GFI1: variants seen among roughly 807,000 people sequenced by gnomAD.
GFI1 encodes the protein growth factor independent 1 transcriptional repressor.
Under a neutral mutation model 39.2 loss-of-function variants are expected in GFI1, and 15 were observed. The observed-to-expected ratio is 0.38, with a 90% CI of 0.26 to 0.59. GFI1 has a LOEUF of 0.59. Ranked by LOEUF, GFI1 falls within the 20% of genes least tolerant of loss-of-function variation. The probability of loss-of-function intolerance (pLI) is 0.62; values close to 1 mark genes in which losing one functional copy is unlikely to be tolerated. For missense variants in GFI1, 475 were observed against 574.0 expected (o/e 0.83, Z 1.76); for synonymous variants, 239 against 254.3 (o/e 0.94, Z 0.57).
At position 92,478,666 on chromosome 1, in the gene GFI1, G is replaced by T. The variant is rs747130172; in HGVS notation, c.1012C>A (p.Arg338=). ...CCACAGTACTGACAGGGGTAGGGCC[G>T]AGTGTCTGAGTGGATAAGCAGGTGT... ...STHLLIHSDT[R]PYPCQYCGKR... is the part of the protein sequence containing the mutation. Residue 338 remains arginine, a synonymous_variant, in exon 6 of 7, where the codon CGG becomes AGG. Coordinates refer to ENST00000294702, the MANE Select transcript of GFI1 (RefSeq NM_005263.5). 1.2e-6 allele frequency: 2 copies of T among 1,613,994 alleles called. No homozygotes were observed. The highest frequency in any genetic ancestry group is 8.5e-7 in the Non-Finnish European group (1 of 1,179,990).
chr1:92,477,293 G>C (rs1311492707), intron 6 of GFI1, among the ~76,000 whole-genome samples: 2 of 152,146 alleles, frequency 1.3e-5, no homozygotes, highest in Admixed American at 1.3e-4. Flanking sequence ...GATCCTAGTT[G>C]CATTTTGATA....
rs974564386 is a variant in GFI1 at position 92,482,427 on chromosome 1, C to CT, written c.298+436_298+437insA. ...CGCGGGCTGAGATTTTCGTCCTGCCCCCTCCCTGCCGCCCAGCGCCTAGCT... is the reference window on the plus strand; with the variant it reads ...CGCGGGCTGAGATTTTCGTCCTGCCCTCCTCCCTGCCGCCCAGCGCCTAGCT... On this transcript the variant is annotated intron_variant, in intron 3 of 6. Transcript: ENST00000294702. The surrounding 1 kb of genome is among the most constrained non-coding windows in gnomAD (Gnocchi z 4.4). 1.3e-5 allele frequency among the ~76,000 whole-genome samples: 2 copies of CT among 151,856 alleles called. No homozygotes were observed. Among genetic ancestry groups the CT allele is most frequent in the Admixed American group, 1.3e-4 (2 of 15,224 alleles).
Position 92,478,757 on chromosome 1 carries a change from C to CAGAGAGAGACAG in GFI1, c.925-5_925-4insCTGTCTCTCTCT. 6.6e-7 allele frequency: 1 copy of CAGAGAGAGACAG among 1,519,168 alleles called. No individual in the cohort carries two copies. The highest frequency in any genetic ancestry group is 1.2e-5 in the South Asian group (1 of 83,340). The allele number at this position is 1,519,168 out of a possible 1,614,324, so 94.1% of individuals were successfully genotyped here. On this transcript the variant is annotated splice_polypyrimidine_tract_variant and splice_region_variant and intron_variant, in intron 5 of 6. Coordinates refer to ENST00000294702, the MANE Select transcript of GFI1 (RefSeq NM_005263.5). The stretch of plus-strand genomic sequence containing the variant: ...TCTTACAGTCAAAGCTCCGTTCCTG[C>CAGAGAGAGACAG]AGAGAGAGAGAGAGAGAGAGAGAGA...
Position 92,481,070 on chromosome 1 carries a change from C to A in GFI1, c.317G>T (p.Cys106Phe). ...GGGCTGGGCTTCGTCCAGCGATGGG[C>A]ACATTGACTTCTCCGAGGCTGTGGA... ...SASPASEKSMCPSLDEAQPFP... is the reference protein window; with the variant it reads ...SASPASEKSMFPSLDEAQPFP... The change falls in exon 4 of 7, where the codon TGC (cysteine) becomes TTC (phenylalanine). Residue 106 changes from cysteine to phenylalanine, a missense_variant. Coordinates refer to ENST00000294702, the MANE Select transcript of GFI1 (RefSeq NM_005263.5). The surrounding 1 kb of genome is among the most constrained non-coding windows in gnomAD (Gnocchi z 4.3). 1.2e-6 allele frequency: 2 copies of A among 1,611,594 alleles called. No individual in the cohort carries two copies. The highest frequency in any genetic ancestry group is 1.7e-6 in the Non-Finnish European group (2 of 1,178,850).
In GFI1 at chr1:92,482,423, T is replaced by TA. The variant is rs1658301628; in HGVS notation, c.298+440_298+441insT. On this transcript the variant is annotated intron_variant, in intron 3 of 6. Coordinates refer to ENST00000294702, the MANE Select transcript of GFI1 (RefSeq NM_005263.5). The surrounding 1 kb of genome is among the most constrained non-coding windows in gnomAD (Gnocchi z 4.4). Reference sequence around the variant, plus strand: ...AAGCCGCGGGCTGAGATTTTCGTCCTGCCCCCTCCCTGCCGCCCAGCGCCT... The same window carrying TA: ...AAGCCGCGGGCTGAGATTTTCGTCCTAGCCCCCTCCCTGCCGCCCAGCGCCT... Among the ~76,000 whole-genome samples, 1 of 71,792 alleles carries TA rather than the reference T, an allele frequency of 1.4e-5. No individual in the cohort carries two copies. The highest frequency in any genetic ancestry group is 7.2e-5 in the African/African-American group (1 of 13,804). The allele number at this position is 71,792 out of a possible 152,430, so 47.1% of individuals were successfully genotyped here. A position where few individuals can be genotyped will look rare whatever the true frequency, so the allele number is the denominator to read the frequency against.
chr1:92,482,920 T>G lies in GFI1; in HGVS notation c.242A>C (p.Glu81Ala). The G allele has an allele frequency of 6.2e-7, 1 of 1,614,090 alleles. No homozygotes were observed. Among genetic ancestry groups the G allele is most frequent in the Non-Finnish European group, 8.5e-7 (1 of 1,180,002 alleles). ...GAAGTCCTCAAACTCCGAGCTCCGT[T>G]CGCAGACGCTGCCTTCGCAGCTGTC... ...SPDSCEGSVC[E>A]RSSEFEDFWR... Residue 81 changes from glutamate (E) to alanine (A), a missense_variant, in exon 3 of 7, where the codon GAA becomes GCA. This residue lies in a region of GFI1 where 275 missense variants were observed against 275.8 expected (regional missense o/e 1.00). Coordinates refer to ENST00000294702, the MANE Select transcript of GFI1 (RefSeq NM_005263.5). This position sits in a 1 kb window ranked among gnomAD's most constrained non-coding sequence, Gnocchi z 4.4.
chr1:92,480,928 G>A lies in GFI1; in HGVS notation c.459C>T (p.Leu153=), dbSNP rs1372880540. The change falls in exon 4 of 7, where the codon CTC becomes CTT. Residue 153 remains leucine, a synonymous_variant. Transcript: ENST00000294702. The surrounding 1 kb of genome is among the most constrained non-coding windows in gnomAD (Gnocchi z 5.6). ...GALERGAGLG[L]FCEPAPEPGH... ...CAGGCTCCGGGGCGGGTTCGCAGAA[G>A]AGGCCCAGGCCAGCGCCACGCTCCA... The A allele has an allele frequency of 6.4e-7, 1 of 1,564,536 alleles. No homozygotes were observed. Among genetic ancestry groups the A allele is most frequent in the African/African-American group, 1.4e-5 (1 of 73,628 alleles).
At position 92,480,823 on chromosome 1, in the gene GFI1, C is replaced by T; in HGVS notation, c.564G>A (p.Gly188=). 1 of 1,560,074 alleles carries T rather than the reference C, an allele frequency of 6.4e-7. No homozygotes were observed. The highest frequency in any genetic ancestry group is 8.7e-7 in the Non-Finnish European group (1 of 1,154,750). Residue 188 remains glycine (G), a synonymous_variant, in exon 4 of 7, where the codon GGG becomes GGA. Transcript: ENST00000294702. The surrounding 1 kb of genome is among the most constrained non-coding windows in gnomAD (Gnocchi z 5.6). ...GAGAPGSCSA[G]AGATAGPGLG... ...GGCCAGGGCCAGCGGTGGCACCGGC[C>T]CCTGCGCTGCAGCTCCCTGGCGCCC...
chr1:92,476,289 G>T, intron 6 of GFI1, 82 bp from the exon 7 acceptor site: 1 of 1,322,816 alleles, frequency 7.6e-7, no homozygotes, highest in Non-Finnish European at 1.1e-6. Context: ...ACATGCTCTT[G>T]GCAGCAGCTG....
At position 92,481,709 on chromosome 1, in the gene GFI1, G is replaced by A. The variant is rs190872762; in HGVS notation, c.299-621C>T. The stretch of plus-strand genomic sequence containing the variant: ...AGTGTACGTAGCAAAGGAGCAGCAG[G>A]AAAGGGGCTTTTGGGCTTAAATTGA... On this transcript the variant is annotated intron_variant, in intron 3 of 6. Coordinates refer to ENST00000294702, the MANE Select transcript of GFI1 (RefSeq NM_005263.5). The surrounding 1 kb of genome is among the most constrained non-coding windows in gnomAD (Gnocchi z 4.3). Among the ~76,000 whole-genome samples the A allele has an allele frequency of 1.2e-3, 182 of 152,310 alleles. 1 individual carries two copies. The highest frequency in any genetic ancestry group is 4.3e-3 in the African/African-American group (177 of 41,558).
chr1:92,482,853 T>C lies in GFI1; in HGVS notation c.298+11A>G. 6.2e-7 allele frequency: 1 copy of C among 1,611,644 alleles called. No homozygotes were observed. Among genetic ancestry groups the C allele is most frequent in the Non-Finnish European group, 8.5e-7 (1 of 1,177,848 alleles). On this transcript the variant is annotated intron_variant, in intron 3 of 6. Transcript: ENST00000294702. The surrounding 1 kb of genome is among the most constrained non-coding windows in gnomAD (Gnocchi z 4.4). ...CAGCTCCCGCCCAAGAGGTTCCCAGTGGGTTCCTACCTGGAGACGCGGAGG... is the reference window on the plus strand; with the variant it reads ...CAGCTCCCGCCCAAGAGGTTCCCAGCGGGTTCCTACCTGGAGACGCGGAGG...
In GFI1 at chr1:92,483,577, C is replaced by T. The variant is rs565821550; in HGVS notation, c.-90G>A. ...TCCGAGGGCTTGCTCAGCCCCAGCC[C>T]GGAGGAGACCTGAGAGGGAAAGAAA... On this transcript the variant is annotated 5_prime_UTR_variant, in exon 2 of 7. Coordinates refer to ENST00000294702, the MANE Select transcript of GFI1 (RefSeq NM_005263.5). The T allele has an allele frequency of 9.1e-6, 7 of 771,606 alleles. No individual in the cohort carries two copies. Among genetic ancestry groups the T allele is most frequent in the Non-Finnish European group, 1.6e-5 (7 of 436,440 alleles). The allele number at this position is 771,606 out of a possible 1,614,324, so 47.8% of individuals were successfully genotyped here. A position where few individuals can be genotyped will look rare whatever the true frequency, so the allele number is the denominator to read the frequency against.
rs753906711 is a variant in GFI1, at chr1:92,480,697, G to C, written c.690C>G (p.His230Gln). 4 of 1,596,080 alleles carry C rather than the reference G, an allele frequency of 2.5e-6. No individual in the cohort carries two copies. In the East Asian group the frequency reaches 8.9e-5, roughly 36 times the overall value. Residue 230 changes from histidine to glutamine, a missense_variant, in exon 4 of 7, where the codon CAC (histidine) becomes CAG (glutamine). Around this residue, in one of 4 missense-constraint regions of GFI1, gnomAD observed 79 missense variants for 68.4 expected, o/e 1.15. Coordinates refer to ENST00000294702, the MANE Select transcript of GFI1 (RefSeq NM_005263.5). The surrounding 1 kb of genome is among the most constrained non-coding windows in gnomAD (Gnocchi z 5.6). ...LLYPERGHGL[H>Q]ADKGAGVKVE... ...CCTTGACGCCAGCGCCCTTGTCTGC[G>C]TGCAGCCCGTGGCCACGCTCGGGGT... is the stretch of plus-strand genomic sequence containing the variant.
chr1:92,483,299 C>A (rs1057265156), intron 2 of GFI1, 74 bp downstream of exon 2: 1 of 866,672 alleles, frequency 1.2e-6, no homozygotes, highest in Non-Finnish European at 1.9e-6. Flanking sequence ...CCTCCCAGCT[C>A]CGGACTAATG....
rs147797011 is a variant in GFI1, at chr1:92,474,010, A to G, written c.*2019T>C. ...AATGGGCAATCTGCTGGTTCTCACC[A>G]TGGGGCATGCATACCCTGAATGTCT... On this transcript the variant is annotated 3_prime_UTR_variant, in exon 7 of 7. Transcript: ENST00000294702. Among the ~76,000 whole-genome samples, 1 of 152,238 alleles carries G rather than the reference A, an allele frequency of 6.6e-6. No homozygotes were observed. The highest frequency in any genetic ancestry group is 1.5e-5 in the Non-Finnish European group (1 of 68,042).
In GFI1 at chr1:92,481,400, C is replaced by G. The variant is rs1188261402; in HGVS notation, c.299-312G>C. 6.6e-6 allele frequency among the ~76,000 whole-genome samples: 1 copy of G among 152,214 alleles called. No homozygotes were observed. The highest frequency in any genetic ancestry group is 2.4e-5 in the African/African-American group (1 of 41,460). ...GATCTTTTCTGGCTGGACCCGCGCA[C>G]CTGGAGATCCTACAGGGAAGGGCGC... On this transcript the variant is annotated intron_variant, in intron 3 of 6. Transcript: ENST00000294702. The surrounding 1 kb of genome is among the most constrained non-coding windows in gnomAD (Gnocchi z 4.3).
intron 5 of GFI1, among the ~76,000 whole-genome samples, chr1:92,478,983 A>G (rs1438187882): frequency 6.6e-6 from 1 of 152,146 alleles, no homozygotes; most frequent in African/African-American, 2.4e-5. Flanking sequence ...CTCGTGTCTC[A>G]GCCTCCCAAG....
At chr1:92,486,581 C>G (rs1429087660) in intron 1 of GFI1, 145 bp downstream of exon 1, 1 of 145,538 alleles carries the variant, frequency 6.9e-6, no homozygotes, top group African/African-American at 2.5e-5. Context: ...GGGTCGGGAC[C>G]GTGAATCACC....
In GFI1 at chr1:92,481,272, G is replaced by C. The variant is rs901564275; in HGVS notation, c.299-184C>G. Among the ~76,000 whole-genome samples, 1 of 152,234 alleles carries C rather than the reference G, an allele frequency of 6.6e-6. No homozygotes were observed. The highest frequency in any genetic ancestry group is 2.4e-5 in the African/African-American group (1 of 41,466). On this transcript the variant is annotated intron_variant, in intron 3 of 6. Transcript: ENST00000294702. This position sits in a 1 kb window ranked among gnomAD's most constrained non-coding sequence, Gnocchi z 4.3. ...GTGGCCCGGGCCCTGGGGCCTCGCAGGCCACTATAGGAGGCAGAACAGTAA... is the reference window on the plus strand; with the variant it reads ...GTGGCCCGGGCCCTGGGGCCTCGCACGCCACTATAGGAGGCAGAACAGTAA...
Sources: allele counts gnomAD v4.1 joint callset (sites outside exome capture counted in the v4.1 genomes callset), GRCh38; gene constraint gnomAD v4.1.1; regional missense constraint gnomAD v4.1.1; non-coding constraint Gnocchi (gnomAD v3.1); transcripts MANE v1.5; gene names NCBI Gene and HGNC (gene_info 2026-07-23, HGNC 2026-07-21).